FSTL4: variants seen among roughly 807,000 people sequenced by gnomAD.
FSTL4 encodes the protein follistatin like 4.
A neutral mutation model predicts 78.2 loss-of-function variants in FSTL4; 28 were observed. The observed-to-expected ratio is 0.36, with a 90% CI of 0.27 to 0.49. The LOEUF (loss-of-function observed/expected upper bound fraction) is 0.49. Ranked by LOEUF, FSTL4 falls within the 20% of genes least tolerant of loss-of-function variation. The pLI, the probability that FSTL4 is intolerant of heterozygous loss-of-function variation, is 0.98. For missense variants in FSTL4, 922 were observed against 1,084.9 expected (o/e 0.85, Z 2.11); for synonymous variants, 422 against 440.5 (o/e 0.96, Z 0.53).
chr5:133,566,188 G>A (rs1023952346), intron 3 of FSTL4, among the ~76,000 whole-genome samples: 1 of 152,214 alleles, frequency 6.6e-6, no homozygotes, highest in East Asian at 1.9e-4. Context: ...ATGGACAGCA[G>A]CACACTACCA....
the FSTL4 span, among the ~76,000 whole-genome samples, chr5:133,753,644 C>G: frequency 6.6e-6 from 1 of 151,676 alleles, no homozygotes; most frequent in Non-Finnish European, 1.5e-5. Context: ...CTGGACTTAT[C>G]CCTTCTCTCC....
chr5:133,716,012 A>G, the FSTL4 span, among the ~76,000 whole-genome samples: 1 of 152,338 alleles, frequency 6.6e-6, no homozygotes, highest in East Asian at 1.9e-4. Flanking sequence ...AGAGTTCAAG[A>G]AAGAATTCTT....
At chr5:133,352,331 C>CATATATATATATACACACAT (rs143228488) in intron 4 of FSTL4, among the ~76,000 whole-genome samples, 1 of 100,710 alleles carries the variant, frequency 9.9e-6, no homozygotes, top group African/African-American at 4.1e-5. Context: ...TATATACACA[C>CATATATATATATACACACAT]ATATATATAT....
intron 3 of FSTL4, among the ~76,000 whole-genome samples, chr5:133,506,439 C>T (rs955230469): frequency 5.9e-5 from 9 of 151,924 alleles, no homozygotes; most frequent in African/African-American, 1.2e-4. Context: ...CAGCTCCACT[C>T]GAGAGGAATG....
chr5:133,397,808 G>A (rs1280821784), intron 4 of FSTL4, among the ~76,000 whole-genome samples: 1 of 152,242 alleles, frequency 6.6e-6, no homozygotes, highest in Non-Finnish European at 1.5e-5. Flanking sequence ...AGAGAATGAA[G>A]TCACAACTTC....
chr5:133,366,019 C>A (rs1755174552), intron 4 of FSTL4, among the ~76,000 whole-genome samples: 2 of 152,158 alleles, frequency 1.3e-5, no homozygotes, highest in Admixed American at 1.3e-4. Context: ...AATGGGCAAC[C>A]CAGACTCTTG....
At chr5:133,364,126 C>T (rs138260795) in intron 4 of FSTL4, among the ~76,000 whole-genome samples, 7 of 152,316 alleles carry the variant, frequency 4.6e-5, no homozygotes, top group Middle Eastern at 3.4e-3. Flanking sequence ...CATCAGCAGG[C>T]GATTGACAAC....
the FSTL4 span, among the ~76,000 whole-genome samples, chr5:133,745,528 G>A: frequency 1.3e-5 from 2 of 152,182 alleles, no homozygotes; most frequent in African/African-American, 4.8e-5. Flanking sequence ...AGACACAAAT[G>A]TTGCCTTCCC....
At chr5:133,748,430 G>A in the FSTL4 span, among the ~76,000 whole-genome samples, 2 of 151,800 alleles carry the variant, frequency 1.3e-5, no homozygotes, top group Non-Finnish European at 2.9e-5. Flanking sequence ...AATTAGCTGG[G>A]CTTGGTGGTG....
chr5:133,827,832 TG>T, the FSTL4 span, among the ~76,000 whole-genome samples: 1 of 151,864 alleles, frequency 6.6e-6, no homozygotes, highest in Admixed American at 6.6e-5. Flanking sequence ...GCATGAGGCA[TG>T]GGCACAACTG....
At chr5:133,280,130 T>C (rs1447120530) in intron 6 of FSTL4, among the ~76,000 whole-genome samples, 3 of 152,168 alleles carry the variant, frequency 2.0e-5, no homozygotes, top group East Asian at 1.9e-4. Flanking sequence ...TCATCTCTCA[T>C]ATCAGCCCTA....
intron 3 of FSTL4, among the ~76,000 whole-genome samples, chr5:133,430,861 C>T (rs969700832): frequency 6.6e-6 from 1 of 152,166 alleles, no homozygotes; most frequent in African/African-American, 2.4e-5. Context: ...TCAGTAAAGG[C>T]CCCGCAGAGG....
At chr5:133,715,792 C>T in the FSTL4 span, among the ~76,000 whole-genome samples, 4 of 152,280 alleles carry the variant, frequency 2.6e-5, no homozygotes, top group Middle Eastern at 3.4e-3. Flanking sequence ...CCAAACACTG[C>T]GAAGAATAGG....
intron 1 of FSTL4, among the ~76,000 whole-genome samples, chr5:133,606,594 T>C (rs1760984150): frequency 6.6e-6 from 1 of 152,238 alleles, no homozygotes; most frequent in African/African-American, 2.4e-5. Context: ...ACATTGCTTC[T>C]TATTCTCATT....
chr5:133,365,406 G>A (rs542937256), intron 4 of FSTL4, among the ~76,000 whole-genome samples: 1 of 152,070 alleles, frequency 6.6e-6, no homozygotes, highest in African/African-American at 2.4e-5. Context: ...GCTGAGCCAG[G>A]GGGACCACCC....
chr5:133,384,107 A>G (rs1251790750), intron 4 of FSTL4, among the ~76,000 whole-genome samples: 1 of 152,138 alleles, frequency 6.6e-6, no homozygotes, highest in African/African-American at 2.4e-5. Context: ...GGAGAGGTAA[A>G]GACTTCTGGA....
chr5:133,690,306 A>G, the FSTL4 span, among the ~76,000 whole-genome samples: 1 of 152,204 alleles, frequency 6.6e-6, no homozygotes, highest in East Asian at 1.9e-4. Context: ...TCTGGATCCT[A>G]TCTCATATCC....
the FSTL4 span, among the ~76,000 whole-genome samples, chr5:133,749,417 A>G: frequency 6.6e-6 from 1 of 152,224 alleles, no homozygotes; most frequent in African/African-American, 2.4e-5. Context: ...GCCCCTAGGC[A>G]GATACAGCCC....
intron 3 of FSTL4, among the ~76,000 whole-genome samples, chr5:133,506,161 G>A (rs902204274): frequency 6.6e-6 from 1 of 152,162 alleles, no homozygotes; most frequent in Non-Finnish European, 1.5e-5. Flanking sequence ...AAAAAATAAC[G>A]ACTGTCAATT....
Sources: gnomAD v4.1 joint callset for allele counts (sites outside exome capture counted in the v4.1 genomes callset) on GRCh38, gnomAD v4.1.1 for gene constraint, MANE v1.5 for transcripts, NCBI Gene and HGNC (gene_info 2026-07-23, HGNC 2026-07-21) for gene names.